The following HNRNPM variants were observed in gnomAD, a reference collection of about 807,000 sequenced individuals.
HNRNPM encodes the protein heterogeneous nuclear ribonucleoprotein M.
HNRNPM carries 11 observed loss-of-function variants against 73.1 expected under a neutral mutation model. The ratio of observed to expected loss-of-function variants is 0.15; its 90% confidence interval spans 0.09 to 0.25. The LOEUF (loss-of-function observed/expected upper bound fraction) is 0.25. Ranked by LOEUF, HNRNPM falls within the 10% of genes least tolerant of loss-of-function variation. The probability of loss-of-function intolerance (pLI) is 1.00; values close to 1 mark genes in which losing one functional copy is unlikely to be tolerated. For missense variants in HNRNPM, 789 were observed against 1,067.9 expected, an observed-to-expected ratio of 0.74 and a Z score of 3.64; for synonymous variants, 407 against 355.2, an observed-to-expected ratio of 1.15 and a Z score of -1.64.
rs879099711 is a variant in HNRNPM at position 8,488,941 on chromosome 19, A to G, written c.*87A>G. 57 of 1,228,996 alleles carry G rather than the reference A, an allele frequency of 4.6e-5. No individual in the cohort carries two copies. In the South Asian group the frequency reaches 8.6e-4, roughly 18 times the overall value. 76.1% of individuals were successfully genotyped at this position (1,228,996 alleles called of 1,614,324 possible). ...ATTTTAATTTGTTGGCTGGATGTAT[A>G]AAGATGTTTAAAAAATTCAGTTGCT... On this transcript the variant is annotated 3_prime_UTR_variant, in exon 16 of 16. Coordinates refer to ENST00000325495, the MANE Select transcript of HNRNPM (RefSeq NM_005968.5).
intron 13 of HNRNPM, among the ~76,000 whole-genome samples, chr19:8,483,491 C>T (rs983012301): frequency 2.0e-5 from 3 of 152,152 alleles, no homozygotes; most frequent in Non-Finnish European, 4.4e-5. Context: ...GTGCACAGGC[C>T]GACCATCTTC....
chr19:8,480,179 C>T (rs1203474183), intron 12 of HNRNPM, among the ~76,000 whole-genome samples: 3 of 148,724 alleles, frequency 2.0e-5, no homozygotes, highest in Non-Finnish European at 4.5e-5. Flanking sequence ...AGTTCAAGAC[C>T]AGCCTGGCCA....
At chr19:8,451,011 A>G (rs1001070537) in intron 1 of HNRNPM, among the ~76,000 whole-genome samples, 5 of 151,870 alleles carry the variant, frequency 3.3e-5, no homozygotes, top group Admixed American at 2.0e-4. Flanking sequence ...TGTTCAAGCA[A>G]TTTTCCTGCC....
intron 2 of HNRNPM, among the ~76,000 whole-genome samples, chr19:8,461,244 T>C (rs1478697483): frequency 1.3e-5 from 2 of 152,252 alleles, no homozygotes; most frequent in Non-Finnish European, 2.9e-5. Context: ...TTAATAAATA[T>C]GTCCTTCAGA....
At chr19:8,484,177 T>C (rs8104472) in intron 13 of HNRNPM, among the ~76,000 whole-genome samples, 5,880 of 143,560 alleles carry the variant, frequency 0.041, 267 homozygotes, top group African/African-American at 0.11. Context: ...CCATTTCTTT[T>C]TTTTTTTTTT....
At chr19:8,483,738 A>G (rs1309296296) in intron 13 of HNRNPM, among the ~76,000 whole-genome samples, 1 of 152,204 alleles carries the variant, frequency 6.6e-6, no homozygotes, top group African/African-American at 2.4e-5. Context: ...TCATTCATAC[A>G]CAGCTTTATG....
At chr19:8,454,935 C>T (rs1041900215) in intron 1 of HNRNPM, among the ~76,000 whole-genome samples, 1 of 152,004 alleles carries the variant, frequency 6.6e-6, no homozygotes, top group African/African-American at 2.4e-5. Flanking sequence ...CCCTGTGGAG[C>T]CTTGAGTTTG....
At chr19:8,473,542 AT>A in intron 10 of HNRNPM, 121 bp from the exon 11 acceptor site, 1 of 676,520 alleles carries the variant, frequency 1.5e-6, no homozygotes, top group Non-Finnish European at 2.6e-6. Flanking sequence ...TATATAAAAT[AT>A]ACTTGTCATC....
At chr19:8,477,153 T>TTTC (rs1248723242) in intron 12 of HNRNPM, among the ~76,000 whole-genome samples, 9 of 152,104 alleles carry the variant, frequency 5.9e-5, no homozygotes, top group Non-Finnish European at 1.3e-4. Context: ...AGTGAGATGA[T>TTTC]TAATAACTAG....
chr19:8,448,903 A>G (rs757535682), intron 1 of HNRNPM, among the ~76,000 whole-genome samples: 18 of 152,266 alleles, frequency 1.2e-4, no homozygotes, highest in Admixed American at 3.3e-4. Flanking sequence ...CCATTTGACA[A>G]TCAAGAAAAC....
At chr19:8,483,769 CT>C (rs1304449971) in intron 13 of HNRNPM, among the ~76,000 whole-genome samples, 1 of 152,112 alleles carries the variant, frequency 6.6e-6, no homozygotes, top group Non-Finnish European at 1.5e-5. Context: ...ACAAAATGTA[CT>C]TTTTGAGCAT....
At chr19:8,481,184 A>G (rs999911135) in intron 12 of HNRNPM, among the ~76,000 whole-genome samples, 1 of 152,090 alleles carries the variant, frequency 6.6e-6, no homozygotes, top group African/African-American at 2.4e-5. Context: ...AAAAATTTGG[A>G]TAGGCCTGTG....
In HNRNPM at chr19:8,450,731, T is replaced by TA. The variant is rs199830522; in HGVS notation, c.114-4674_114-4673insA. ...TAATTAATTATTATTATTATTATTT[T>TA]TTTTTTTTTTGAGATGGAGTTTTGC... On this transcript the variant is annotated intron_variant, in intron 1 of 15. Transcript: ENST00000325495. Among the ~76,000 whole-genome samples the TA allele has an allele frequency of 3.4e-3, 479 of 142,410 alleles. 1 individual carries two copies. The highest frequency in any genetic ancestry group is 0.01 in the East Asian group (46 of 4,578). 93.4% of individuals were successfully genotyped at this position (142,410 alleles called of 152,430 possible). A position where few individuals can be genotyped will look rare whatever the true frequency, so the allele number is the denominator to read the frequency against.
At chr19:8,461,499 A>G (rs1288685645) in intron 2 of HNRNPM, among the ~76,000 whole-genome samples, 1 of 151,912 alleles carries the variant, frequency 6.6e-6, no homozygotes, top group Non-Finnish European at 1.5e-5. Context: ...AACACTTTAC[A>G]TTTGTTTTCT....
intron 1 of HNRNPM, 26 bp from the exon 2 acceptor site, chr19:8,455,379 C>CT (rs550925978): frequency 6.3e-7 from 1 of 1,593,618 alleles, no homozygotes; most frequent in Non-Finnish European, 8.6e-7. Flanking sequence ...AACCCTTTAC[C>CT]TTTTTTTCCT....
chr19:8,445,985 T>C (rs1324795139), intron 1 of HNRNPM, among the ~76,000 whole-genome samples: 1 of 152,174 alleles, frequency 6.6e-6, no homozygotes, highest in Non-Finnish European at 1.5e-5. Flanking sequence ...AAAAGTTTCT[T>C]TAAAGGAGGA....
At chr19:8,481,342 A>AG (rs1970903546) in intron 12 of HNRNPM, 2 of 152,862 alleles carry the variant, frequency 1.3e-5, no homozygotes, top group Non-Finnish European at 2.9e-5. Context: ...TGGCTCTGCT[A>AG]GGGGGCTCAG....
chr19:8,486,259 A>G lies in HNRNPM; in HGVS notation c.1831A>G (p.Met611Val). 2.5e-6 allele frequency: 4 copies of G among 1,602,826 alleles called. No homozygotes were observed. Among genetic ancestry groups the G allele is most frequent in the South Asian group, 1.1e-5 (1 of 91,068 alleles). ...GAGIERMGLA[M>V]GGGGGASFDR... is the part of the protein sequence containing the mutation. ...TGGCATTGAGCGCATGGGCCTGGCC[A>G]TGGGTGGCGGTGGCGGTGCCAGCTT... Residue 611 changes from methionine to valine, a missense_variant, in exon 14 of 16, where the codon ATG becomes GTG. Physicochemically the swap from Met to Val is conservative, Grantham distance 21. Transcript: ENST00000325495.
At position 8,483,145 on chromosome 19, in the gene HNRNPM, C is replaced by A; in HGVS notation, c.1121-13C>A. ...GAATTTGGCTAATTTTTTTTTCTTC[C>A]TGATTTCCTTAGAAATCCTAAGTAA... On this transcript the variant is annotated splice_polypyrimidine_tract_variant and intron_variant, in intron 12 of 15. Coordinates refer to ENST00000325495, the MANE Select transcript of HNRNPM (RefSeq NM_005968.5). The A allele has an allele frequency of 6.3e-7, 1 of 1,597,190 alleles. No individual in the cohort carries two copies. The highest frequency in any genetic ancestry group is 8.6e-7 in the Non-Finnish European group (1 of 1,168,708).
Sources: allele counts gnomAD v4.1 joint callset (sites outside exome capture counted in the v4.1 genomes callset), GRCh38; gene constraint gnomAD v4.1.1; transcripts MANE v1.5; gene names NCBI Gene and HGNC (gene_info 2026-07-23, HGNC 2026-07-21).